GRID1: variants seen among roughly 807,000 people sequenced by gnomAD.
GRID1 encodes glutamate receptor ionotropic, delta-1.
GRID1 carries 28 observed loss-of-function variants against 98.0 expected under a neutral mutation model. The observed-to-expected ratio is 0.29, with a 90% CI of 0.21 to 0.39. The LOEUF (loss-of-function observed/expected upper bound fraction) is 0.39. GRID1 is among the 10% of genes least tolerant of loss of function. The pLI, the probability that GRID1 is intolerant of heterozygous loss-of-function variation, is 1.00. For missense variants in GRID1, 1,111 were observed against 1,340.5 expected (o/e 0.83, Z 2.67); for synonymous variants, 553 against 538.5 (o/e 1.03, Z -0.37).
At position 85,875,582 on chromosome 10, in the gene GRID1, T is replaced by A. The variant is rs191629376; in HGVS notation, c.781-6402A>T. ...ATTCCTTGTTTGTTTCCCTTTAAAA[T>A]GATTTGTTTCCTATCTTTACTTATT... On this transcript the variant is annotated intron_variant, in intron 5 of 15. Transcript: ENST00000327946. Among the ~76,000 whole-genome samples, 959 of 152,300 alleles carry A rather than the reference T, an allele frequency of 6.3e-3. 7 individuals are homozygous for A. The highest frequency in any genetic ancestry group is 0.022 in the African/African-American group (910 of 41,580).
chr10:85,879,836 G>A (rs1215784191), intron 5 of GRID1, among the ~76,000 whole-genome samples: 1 of 152,080 alleles, frequency 6.6e-6, no homozygotes, highest in African/African-American at 2.4e-5. Flanking sequence ...TCCAGGAGCT[G>A]GTTTTTTGAA....
chr10:86,086,507 CAGAT>C (rs1382834501), intron 4 of GRID1, among the ~76,000 whole-genome samples: 2 of 152,210 alleles, frequency 1.3e-5, no homozygotes, highest in Non-Finnish European at 2.9e-5. Context: ...CACCATCACA[CAGAT>C]AGTCAGCGAC....
intron 4 of GRID1, among the ~76,000 whole-genome samples, chr10:85,961,287 G>A (rs1015657811): frequency 6.6e-6 from 1 of 152,100 alleles, no homozygotes; most frequent in African/African-American, 2.4e-5. Context: ...TCCCTTCACA[G>A]CTGGCACCAC....
chr10:85,969,242 A>G (rs1308332264), intron 4 of GRID1, among the ~76,000 whole-genome samples: 1 of 152,152 alleles, frequency 6.6e-6, no homozygotes, highest in African/African-American at 2.4e-5. Flanking sequence ...TGATAATATT[A>G]TAGTTGGAGA....
chr10:86,159,508 A>G (rs1447160474), intron 3 of GRID1, among the ~76,000 whole-genome samples: 1 of 152,222 alleles, frequency 6.6e-6, no homozygotes, highest in South Asian at 2.1e-4. Flanking sequence ...AGGCTATCCC[A>G]TATAGTCTAG....
At chr10:86,336,529 T>C (rs1172212483) in intron 2 of GRID1, among the ~76,000 whole-genome samples, 1 of 152,152 alleles carries the variant, frequency 6.6e-6, no homozygotes, top group Non-Finnish European at 1.5e-5. Context: ...TCCTCCACGG[T>C]GACAATTAAC....
chr10:85,704,248 G>A (rs1257908559), intron 12 of GRID1, among the ~76,000 whole-genome samples: 1 of 152,118 alleles, frequency 6.6e-6, no homozygotes, highest in Non-Finnish European at 1.5e-5. Flanking sequence ...GACACACACA[G>A]GCTCAAAATA....
At chr10:85,802,355 G>A (rs981102571) in intron 8 of GRID1, among the ~76,000 whole-genome samples, 1 of 152,050 alleles carries the variant, frequency 6.6e-6, no homozygotes. Flanking sequence ...AGATAGTTCA[G>A]TATTGGTACA....
chr10:85,675,586 G>A lies in GRID1; in HGVS notation c.1998-28189C>T, dbSNP rs913887563. Among the ~76,000 whole-genome samples the A allele has an allele frequency of 3.3e-5, 5 of 152,320 alleles. No individual in the cohort carries two copies. The East Asian group carries it at 9.7e-4, about 29-fold the overall frequency. ...AATGACAAAGCAAGCTACTTAAAAT[G>A]TGTTCATGTGGTGGAAAATGAGCTC... On this transcript the variant is annotated intron_variant, in intron 12 of 15. Transcript: ENST00000327946.
At chr10:86,050,895 TA>T (rs34448773) in intron 4 of GRID1, among the ~76,000 whole-genome samples, 6,593 of 129,078 alleles carry the variant, frequency 0.051, 214 homozygotes, top group African/African-American at 0.11. Context: ...GAAAAAAAGT[TA>T]AAAAAAAAAA....
intron 8 of GRID1, among the ~76,000 whole-genome samples, chr10:85,785,283 G>A (rs2132731691): frequency 6.6e-6 from 1 of 152,352 alleles, no homozygotes; most frequent in African/African-American, 2.4e-5. Context: ...CTGAAATTCT[G>A]CTGTTGCAGC....
intron 14 of GRID1, among the ~76,000 whole-genome samples, chr10:85,615,737 C>T (rs958256889): frequency 3.9e-5 from 6 of 152,212 alleles, no homozygotes; most frequent in East Asian, 3.9e-4. Flanking sequence ...TGGATCATGT[C>T]GGGCCAACTC....
At chr10:85,716,190 G>C (rs1841637357) in intron 12 of GRID1, among the ~76,000 whole-genome samples, 1 of 152,162 alleles carries the variant, frequency 6.6e-6, no homozygotes, top group African/African-American at 2.4e-5. Flanking sequence ...ACAGGCGTGA[G>C]ACACTGCACC....
At chr10:85,788,348 C>G (rs1842448751) in intron 8 of GRID1, among the ~76,000 whole-genome samples, 1 of 152,120 alleles carries the variant, frequency 6.6e-6, no homozygotes, top group Non-Finnish European at 1.5e-5. Context: ...ACTTTGGAAG[C>G]CCCTCTATTC....
chr10:85,787,870 G>A (rs992052958), intron 8 of GRID1, among the ~76,000 whole-genome samples: 2 of 151,916 alleles, frequency 1.3e-5, no homozygotes, highest in African/African-American at 4.8e-5. Flanking sequence ...TTCTACTCCC[G>A]ATGCTTCTGC....
At chr10:85,619,152 A>G (rs1842827699) in intron 14 of GRID1, among the ~76,000 whole-genome samples, 1 of 152,184 alleles carries the variant, frequency 6.6e-6, no homozygotes, top group Admixed American at 6.5e-5. Context: ...CCCAAGGCTT[A>G]GACACCTTGG....
chr10:86,078,250 G>A (rs912577534), intron 4 of GRID1, among the ~76,000 whole-genome samples: 2 of 152,274 alleles, frequency 1.3e-5, no homozygotes, highest in African/African-American at 4.8e-5. Flanking sequence ...GATGTGCTTA[G>A]CAAAGCCCTG....
intron 4 of GRID1, among the ~76,000 whole-genome samples, chr10:85,982,360 A>G (rs1248984774): frequency 2.6e-5 from 4 of 152,212 alleles, no homozygotes; most frequent in Admixed American, 6.5e-5. Context: ...ATTTTATGAA[A>G]CAAAGGCCAC....
At chr10:85,860,002 G>C (rs1843149978) in intron 6 of GRID1, among the ~76,000 whole-genome samples, 1 of 152,180 alleles carries the variant, frequency 6.6e-6, no homozygotes, top group African/African-American at 2.4e-5. Flanking sequence ...ATCAGTGTCA[G>C]GGTTGGTCAT....
Sources: gnomAD v4.1 joint callset for allele counts (sites outside exome capture counted in the v4.1 genomes callset) on GRCh38, gnomAD v4.1.1 for gene constraint, MANE v1.5 for transcripts, NCBI Gene and HGNC (gene_info 2026-07-23, HGNC 2026-07-21) for gene names.